Variants in ASNSD1 observed in about 807,000 individuals in gnomAD.
ASNSD1 encodes asparagine synthetase domain-containing protein 1.
Under a neutral mutation model 48.3 loss-of-function variants are expected in ASNSD1, and 36 were observed. That is an observed-to-expected ratio of 0.75 (90% confidence interval 0.57 to 0.99). ASNSD1 has a LOEUF of 0.99. ASNSD1 is among the 50% of genes least tolerant of loss of function. ASNSD1 has a pLI of 0.00. For synonymous variants in ASNSD1, 257 were observed against 262.1 expected, an observed-to-expected ratio of 0.98 and a Z score of 0.19; for missense variants, 714 against 758.2, an observed-to-expected ratio of 0.94 and a Z score of 0.69.
chr2:189,670,023 C>G (rs192047187), intron 5 of ASNSD1, among the ~76,000 whole-genome samples: 1 of 152,010 alleles, frequency 6.6e-6, no homozygotes, highest in East Asian at 1.9e-4. Flanking sequence ...AGATCATGCT[C>G]GTAGGCTAGG....
chr2:189,662,493 G>A (rs6742212), intron 1 of ASNSD1, among the ~76,000 whole-genome samples: 2,710 of 152,232 alleles, frequency 0.018, 79 homozygotes, highest in African/African-American at 0.062. Context: ...TACAAATTTG[G>A]CCTTGGAATT....
Position 189,666,467 on chromosome 2 carries a change from TCTC to T in ASNSD1, c.336_338del (p.Phe112_Ser113delinsLeu). 6.2e-7 allele frequency: 1 copy of T among 1,613,930 alleles called. No homozygotes were observed. The highest frequency in any genetic ancestry group is 8.5e-7 in the Non-Finnish European group (1 of 1,179,934). Reference sequence around the variant, plus strand: ...AATGAATCTGAGATTTTGTCACTCTTCTCAGAAGTACAAGGTCCCTGGTCATTT... The same window carrying T: ...AATGAATCTGAGATTTTGTCACTCTTAGAAGTACAAGGTCCCTGGTCATTT... On this transcript the variant is annotated inframe_deletion, in exon 4 of 6. Transcript: ENST00000260952.
At position 189,664,572 on chromosome 2, in the gene ASNSD1, C is replaced by G. The variant is rs530698717; in HGVS notation, c.-169+618C>G. 4.6e-5 allele frequency among the ~76,000 whole-genome samples: 7 copies of G among 152,234 alleles called. No individual in the cohort carries two copies. In the South Asian group the frequency reaches 6.2e-4, roughly 14 times the overall value. On this transcript the variant is annotated intron_variant, in intron 2 of 5. Transcript: ENST00000260952. ...TGGTTAGATATTTCTGATATTGTCA[C>G]TTATGGAATATTAGAAGTTGAGGCA...
Position 189,666,030 on chromosome 2 carries a change from C to T in ASNSD1, c.-92-11C>T. ...ATGTTATTTAATATTTATTCTCCTT[C>T]CCTGCAACAGATATATTGGATGAAC... On this transcript the variant is annotated splice_polypyrimidine_tract_variant and intron_variant, in intron 3 of 5. Coordinates refer to ENST00000260952, the MANE Select transcript of ASNSD1 (RefSeq NM_019048.4). 8.0e-7 allele frequency: 1 copy of T among 1,250,612 alleles called. No homozygotes were observed. The highest frequency in any genetic ancestry group is 1.1e-6 in the Non-Finnish European group (1 of 918,172). The allele number at this position is 1,250,612 out of a possible 1,614,324, so 77.5% of individuals were successfully genotyped here.
chr2:189,666,398 A>G lies in ASNSD1; in HGVS notation c.266A>G (p.Glu89Gly). The G allele has an allele frequency of 6.2e-7, 1 of 1,614,070 alleles. No homozygotes were observed. The highest frequency in any genetic ancestry group is 2.2e-5 in the East Asian group (1 of 44,878). Residue 89 changes from glutamate (E) to glycine (G), a missense_variant, in exon 4 of 6, where the codon GAG (glutamate) becomes GGG (glycine). Coordinates refer to ENST00000260952, the MANE Select transcript of ASNSD1 (RefSeq NM_019048.4). Reference sequence around the variant, plus strand: ...AGTGGAATAAAGGTTGAAGCTGAAGAGAATGACACTCAAATTTTGTTTAAT... The same window carrying G: ...AGTGGAATAAAGGTTGAAGCTGAAGGGAATGACACTCAAATTTTGTTTAAT... ...IFSGIKVEAE[E>G]NDTQILFNYL...
chr2:189,663,552 C>A (rs1414204448), intron 1 of ASNSD1, among the ~76,000 whole-genome samples: 1 of 152,192 alleles, frequency 6.6e-6, no homozygotes, highest in Non-Finnish European at 1.5e-5. Flanking sequence ...CGCACCCGGC[C>A]TGGTGTATAT....
rs144514465 is a variant in ASNSD1, at chr2:189,667,488, G to T, written c.1356G>T (p.Leu452Phe). ...RTRICHLIRPLDTVLDDSIGC... is the reference protein window; with the variant it reads ...RTRICHLIRPFDTVLDDSIGC... The stretch of plus-strand genomic sequence containing the variant: ...GAATATGTCACTTAATTCGGCCATT[G>T]GATACAGTTTTGGATGATAGCATTG... Residue 452 changes from leucine (L) to phenylalanine (F), a missense_variant, in exon 4 of 6, where the codon TTG becomes TTT. Leu to Phe is a conservative substitution (Grantham distance 22, BLOSUM62 0). Coordinates refer to ENST00000260952, the MANE Select transcript of ASNSD1 (RefSeq NM_019048.4). 1.2e-6 allele frequency: 2 copies of T among 1,614,060 alleles called. No homozygotes were observed. Among genetic ancestry groups the T allele is most frequent in the South Asian group, 2.2e-5 (2 of 91,092 alleles).
chr2:189,669,432 C>T (rs2105689604), intron 5 of ASNSD1, among the ~76,000 whole-genome samples: 1 of 152,158 alleles, frequency 6.6e-6, no homozygotes, highest in East Asian at 1.9e-4. Flanking sequence ...ATGTTTAAAG[C>T]AGCTAATACA....
chr2:189,665,960 C>T (rs1423123851), intron 3 of ASNSD1, 81 bp from the exon 4 acceptor site: 2 of 595,646 alleles, frequency 3.4e-6, no homozygotes, highest in East Asian at 3.0e-5. Flanking sequence ...TGGTAAACAG[C>T]TTGTGTTGCC....
chr2:189,664,003 T>C (rs1340667228), intron 2 of ASNSD1, 49 bp downstream of exon 2: 19 of 377,090 alleles, frequency 5.0e-5, no homozygotes, highest in Non-Finnish European at 8.0e-5. Context: ...TTTATTTATG[T>C]TAACTATATA....
chr2:189,670,501 AG>A lies in ASNSD1; in HGVS notation c.1708del (p.Ala570GlnfsTer3), dbSNP rs749927037. Reference protein sequence around the residue: ...FLNSLPIWEKANLTLPRGIGE... With the variant: ...FLNSLPIWEKXNLTLPRGIGE... ...TAAATTCTCTGCCGATTTGGGAAAA[AG>A]CAAACTTGACTTTACCCCGAGGAAT... On this transcript the variant is annotated frameshift_variant, in exon 6 of 6. Transcript: ENST00000260952. LOFTEE classifies it high-confidence loss of function. 6.2e-7 allele frequency: 1 copy of A among 1,613,280 alleles called. No individual in the cohort carries two copies. Among genetic ancestry groups the A allele is most frequent in the Non-Finnish European group, 8.5e-7 (1 of 1,179,600 alleles).
Position 189,665,392 on chromosome 2 carries a change from A to G in ASNSD1, c.-152A>G, listed in dbSNP as rs989160454. 1.8e-5 allele frequency: 7 copies of G among 397,530 alleles called. No homozygotes were observed. Among genetic ancestry groups the G allele is most frequent in the Non-Finnish European group, 2.2e-5 (5 of 225,424 alleles). 24.6% of individuals were successfully genotyped at this position (397,530 alleles called of 1,614,324 possible). A position where few individuals can be genotyped will look rare whatever the true frequency, so the allele number is the denominator to read the frequency against. ...GTTTTCCAGAAAGTATATAGGCAAC[A>G]ACAGAACAGCAATATATTCTTTCTT... On this transcript the variant is annotated 5_prime_UTR_variant, in exon 3 of 6. Coordinates refer to ENST00000260952, the MANE Select transcript of ASNSD1 (RefSeq NM_019048.4).
intron 1 of ASNSD1, among the ~76,000 whole-genome samples, chr2:189,663,016 G>C (rs1250351861): frequency 6.8e-6 from 1 of 146,702 alleles, no homozygotes; most frequent in African/African-American, 2.5e-5. Context: ...GAGATAAAAA[G>C]AGGGAAAAAT....
In ASNSD1 at chr2:189,666,143, TTTG is replaced by T. The variant is rs2032796119; in HGVS notation, c.17_19del (p.Cys6del). The T allele has an allele frequency of 1.3e-6, 2 of 1,562,962 alleles. No homozygotes were observed. Among genetic ancestry groups the T allele is most frequent in the Non-Finnish European group, 8.6e-7 (1 of 1,156,698 alleles). ...TGATTTCACATAACAATGTGTGGCA[TTTG>T]TTGTTCTGTAAACTTTTCTGCTGAG... On this transcript the variant is annotated inframe_deletion, in exon 4 of 6. Transcript: ENST00000260952.
rs775675550 is a variant in ASNSD1 at position 189,667,202 on chromosome 2, T to A, written c.1070T>A (p.Ile357Lys). The change falls in exon 4 of 6, where the codon ATA becomes AAA. Residue 357 changes from isoleucine to lysine, a missense_variant. Coordinates refer to ENST00000260952, the MANE Select transcript of ASNSD1 (RefSeq NM_019048.4). Reference sequence around the variant, plus strand: ...ATTGATCTTCTTAATGTAGCTTTCATAGCTGAAGAAAAGACCATGCCAACT... The same window carrying A: ...ATTGATCTTCTTAATGTAGCTTTCAAAGCTGAAGAAAAGACCATGCCAACT... ...EPIDLLNVAF[I>K]AEEKTMPTTF... 1 of 1,614,204 alleles carries A rather than the reference T, an allele frequency of 6.2e-7. No individual in the cohort carries two copies. The highest frequency in any genetic ancestry group is 8.5e-7 in the Non-Finnish European group (1 of 1,180,032).
At position 189,667,812 on chromosome 2, in the gene ASNSD1, C is replaced by T. The variant is rs375867561; in HGVS notation, c.1513C>T (p.Arg505Cys). The T allele has an allele frequency of 1.6e-4, 254 of 1,613,882 alleles. No homozygotes were observed. The highest frequency in any genetic ancestry group is 1.9e-4 in the Non-Finnish European group (222 of 1,179,972). ...GADEQLAGYS[R>C]HRVRFQSHGL... ...AGATGAGCAACTTGCAGGTTATTCT[C>T]GTCATCGTGTCCGCTTTCAGTCGCA... The change falls in exon 5 of 6, where the codon CGT (arginine) becomes TGT (cysteine). Residue 505 changes from arginine to cysteine, a missense_variant. By Grantham distance (180) the Arg-to-Cys change is radical (BLOSUM62 -3). Coordinates refer to ENST00000260952, the MANE Select transcript of ASNSD1 (RefSeq NM_019048.4).
intron 3 of ASNSD1, 145 bp downstream of exon 3, chr2:189,665,596 GTGTATATATATATA>G (rs796781089): frequency 0.086 from 9,609 of 111,416 alleles, 876 homozygotes; most frequent in East Asian, 0.17. Context: ...ATATATATAT[GTGTATATATATATA>G]TATATATATA....
Position 189,667,415 on chromosome 2 carries a change from T to C in ASNSD1, c.1283T>C (p.Val428Ala). Residue 428 changes from valine (V) to alanine (A), a missense_variant, in exon 4 of 6, where the codon GTT (valine) becomes GCT (alanine). Physicochemically the swap from Val to Ala is moderately conservative, Grantham distance 64. Coordinates refer to ENST00000260952, the MANE Select transcript of ASNSD1 (RefSeq NM_019048.4). Reference protein sequence around the residue: ...AVSPSRIWNFVEINVSMEELQ... With the variant: ...AVSPSRIWNFAEINVSMEELQ... ...AGCCCTTCCCGAATTTGGAATTTTGTTGAAATTAATGTTTCTATGGAAGAA... is the reference window on the plus strand; with the variant it reads ...AGCCCTTCCCGAATTTGGAATTTTGCTGAAATTAATGTTTCTATGGAAGAA... 6.2e-7 allele frequency: 1 copy of C among 1,614,214 alleles called. No individual in the cohort carries two copies. Among genetic ancestry groups the C allele is most frequent in the Non-Finnish European group, 8.5e-7 (1 of 1,180,038 alleles).
In ASNSD1 at chr2:189,666,548, GTCGC is replaced by G; in HGVS notation, c.417_420del (p.Arg140ValfsTer75). 4 of 1,612,774 alleles carry G rather than the reference GTCGC, an allele frequency of 2.5e-6. No homozygotes were observed. The Admixed American group carries it at 5.0e-5, about 20-fold the overall frequency. On this transcript the variant is annotated frameshift_variant, in exon 4 of 6. Coordinates refer to ENST00000260952, the MANE Select transcript of ASNSD1 (RefSeq NM_019048.4). LOFTEE classifies it high-confidence loss of function. ...TTATGGTTTGGTAGGGATTTTTTTG[GTCGC>G]CGTAGCTTGCTTTGGCATTTTAGTA...
Sources: gnomAD v4.1 joint callset for allele counts (sites outside exome capture counted in the v4.1 genomes callset) on GRCh38, gnomAD v4.1.1 for gene constraint, MANE v1.5 for transcripts, NCBI Gene and HGNC (gene_info 2026-07-23, HGNC 2026-07-21) for gene names.